Variants in PROSER2 observed in about 807,000 individuals in gnomAD.
PROSER2 encodes the protein proline and serine-rich protein 2.
PROSER2 carries 18 observed loss-of-function variants against 14.6 expected under a neutral mutation model. The observed-to-expected ratio is 1.23, with a 90% CI of 0.85 to 1.83. The LOEUF (loss-of-function observed/expected upper bound fraction) is 1.83. PROSER2 is among the 40% of genes most tolerant of loss of function. The probability of loss-of-function intolerance (pLI) is 0.00; values close to 1 mark genes in which losing one functional copy is unlikely to be tolerated. For synonymous variants in PROSER2, 367 were observed against 286.4 expected, an observed-to-expected ratio of 1.28 and a Z score of -2.84; for missense variants, 823 against 629.8, an observed-to-expected ratio of 1.31 and a Z score of -3.28.
rs924104171 is a variant in PROSER2, at chr10:11,871,756, A to G, written c.*1350A>G. ...TGAGCAGTGACACCTTTGTGTTTTT[A>G]TGTCTCCGCCAGCGCCGTAACAGAG... On this transcript the variant is annotated 3_prime_UTR_variant, in exon 4 of 4. Transcript: ENST00000277570. The G allele has an allele frequency of 6.6e-6, 1 of 152,156 alleles. No homozygotes were observed. The highest frequency in any genetic ancestry group is 1.5e-5 in the Non-Finnish European group (1 of 67,966). 9.4% of individuals were successfully genotyped at this position (152,156 alleles called of 1,614,324 possible).
intron 2 of PROSER2, among the ~76,000 whole-genome samples, chr10:11,863,756 T>G (rs146069470): frequency 6.6e-6 from 1 of 152,322 alleles, no homozygotes; most frequent in African/African-American, 2.4e-5. Flanking sequence ...GTGTCTGTAT[T>G]AAGTATGCAC....
intron 1 of PROSER2, among the ~76,000 whole-genome samples, chr10:11,824,566 A>G (rs778820742): frequency 3.9e-5 from 6 of 152,214 alleles, no homozygotes; most frequent in Admixed American, 3.9e-4. Context: ...CATGAAGCCA[A>G]TGTGGAAATA....
intron 3 of PROSER2, among the ~76,000 whole-genome samples, chr10:11,868,791 T>C (rs1463751035): frequency 6.6e-6 from 1 of 152,070 alleles, no homozygotes; most frequent in Non-Finnish European, 1.5e-5. Flanking sequence ...GCTGGGACTA[T>C]AGGCACACGC....
chr10:11,858,276 A>C (rs1282198067), intron 2 of PROSER2, among the ~76,000 whole-genome samples: 1 of 152,148 alleles, frequency 6.6e-6, no homozygotes, highest in East Asian at 1.9e-4. Context: ...CACGTATTTT[A>C]AGCCTTCTCA....
intron 1 of PROSER2, among the ~76,000 whole-genome samples, chr10:11,844,672 A>G (rs184490150): frequency 1.2e-3 from 183 of 152,332 alleles, no homozygotes; most frequent in African/African-American, 4.1e-3. Flanking sequence ...CCCAGGCTGC[A>G]GTGCAGTGGC....
chr10:11,870,445 C>G lies in PROSER2; in HGVS notation c.*39C>G, dbSNP rs745789964. ...TCCAGTCCACCCCGTTTCTCCCCAC[C>G]CTGAAGAGAGGGTGAAAGAGTCGCT... On this transcript the variant is annotated 3_prime_UTR_variant, in exon 4 of 4. Coordinates refer to ENST00000277570, the MANE Select transcript of PROSER2 (RefSeq NM_153256.4). 2 of 1,404,964 alleles carry G rather than the reference C, an allele frequency of 1.4e-6. No individual in the cohort carries two copies. Among genetic ancestry groups the G allele is most frequent in the South Asian group, 1.5e-5 (1 of 65,252 alleles). 87.0% of individuals were successfully genotyped at this position (1,404,964 alleles called of 1,614,324 possible).
At chr10:11,855,994 C>G (rs539917018) in intron 2 of PROSER2, among the ~76,000 whole-genome samples, 2 of 152,108 alleles carry the variant, frequency 1.3e-5, no homozygotes, top group Non-Finnish European at 2.9e-5. Context: ...ATAGGTAGAA[C>G]TAGAATGAGT....
chr10:11,841,154 C>G (rs1284512906), intron 1 of PROSER2, among the ~76,000 whole-genome samples: 4 of 150,986 alleles, frequency 2.6e-5, no homozygotes, highest in Non-Finnish European at 4.4e-5. Context: ...GGTTATAAGA[C>G]TTCAGATTTT....
chr10:11,831,797 G>C (rs1326400267), intron 1 of PROSER2: 1 of 152,062 alleles, frequency 6.6e-6, no homozygotes, highest in Non-Finnish European at 1.5e-5. Context: ...CTTCCCTCGA[G>C]GCCTGTTAAA....
Position 11,870,820 on chromosome 10 carries a change from T to C in PROSER2, c.*414T>C, listed in dbSNP as rs190443890. 2.5e-3 allele frequency: 446 copies of C among 177,276 alleles called. 3 individuals carry two copies. The highest frequency in any genetic ancestry group is 9.9e-3 in the African/African-American group (416 of 41,972). 11.0% of individuals were successfully genotyped at this position (177,276 alleles called of 1,614,324 possible). On this transcript the variant is annotated 3_prime_UTR_variant, in exon 4 of 4. Transcript: ENST00000277570. ...ACATGAAAGTTCAGATCCCTTCCAC[T>C]CAGGATTCTCGCCGCCTTTTCTAAG...
rs1564314095 is a variant in PROSER2 at position 11,865,779 on chromosome 10, T to C, written c.139-752T>C. 6.6e-6 allele frequency among the ~76,000 whole-genome samples: 1 copy of C among 152,198 alleles called. No homozygotes were observed. The highest frequency in any genetic ancestry group is 2.4e-5 in the African/African-American group (1 of 41,454). On this transcript the variant is annotated intron_variant, in intron 2 of 3. Coordinates refer to ENST00000277570, the MANE Select transcript of PROSER2 (RefSeq NM_153256.4). This position sits in a 1 kb window ranked among gnomAD's most constrained non-coding sequence, Gnocchi z 4.2. ...ACTTCAGGGTTCCTCTGTCACCTTT[T>C]TCGAGAGTAACTGGCGAGTTTTGTG...
At chr10:11,843,466 T>C (rs1004975820) in intron 1 of PROSER2, among the ~76,000 whole-genome samples, 2 of 150,842 alleles carry the variant, frequency 1.3e-5, no homozygotes, top group Non-Finnish European at 3.0e-5. Context: ...GGCGGGCAGA[T>C]CATGAGGTCA....
chr10:11,832,026 AT>A (rs1833695912), intron 1 of PROSER2, among the ~76,000 whole-genome samples: 1 of 152,254 alleles, frequency 6.6e-6, no homozygotes, highest in African/African-American at 2.4e-5. Flanking sequence ...AATTAAAAAA[AT>A]AAGTGAAAGC....
At chr10:11,853,338 G>C (rs887845760) in intron 2 of PROSER2, among the ~76,000 whole-genome samples, 1 of 152,060 alleles carries the variant, frequency 6.6e-6, no homozygotes, top group Non-Finnish European at 1.5e-5. Context: ...CTGTAATCCC[G>C]GCACTTTGGG....
chr10:11,869,846 G>C lies in PROSER2; in HGVS notation c.748G>C (p.Ala250Pro). ...PGPSHPAQPK[A>P]PRFPSNIIVT... ...GCCCAGCCACCCGGCGCAGCCCAAG[G>C]CACCCCGCTTCCCCAGCAACATCAT... Residue 250 changes from alanine to proline, a missense_variant, in exon 4 of 4, where the codon GCA (alanine) becomes CCA (proline). By Grantham distance (27) the Ala-to-Pro change is conservative. Transcript: ENST00000277570. The surrounding 1 kb of genome is among the most constrained non-coding windows in gnomAD (Gnocchi z 4.4). The C allele has an allele frequency of 6.3e-7, 1 of 1,586,720 alleles. No individual in the cohort carries two copies. The highest frequency in any genetic ancestry group is 1.1e-5 in the South Asian group (1 of 87,004).
rs973500478 is a variant in PROSER2 at position 11,870,474 on chromosome 10, C to A, written c.*68C>A. The A allele has an allele frequency of 7.8e-7, 1 of 1,275,642 alleles. No individual in the cohort carries two copies. The highest frequency in any genetic ancestry group is 1.0e-6 in the Non-Finnish European group (1 of 968,922). The allele number at this position is 1,275,642 out of a possible 1,614,324, so 79.0% of individuals were successfully genotyped here. On this transcript the variant is annotated 3_prime_UTR_variant, in exon 4 of 4. Transcript: ENST00000277570. Reference sequence around the variant, plus strand: ...AAGAGAGGGTGAAAGAGTCGCTGCACCCAGGAGCTGTTTGGTCTAAAATGG... The same window carrying A: ...AAGAGAGGGTGAAAGAGTCGCTGCAACCAGGAGCTGTTTGGTCTAAAATGG...
rs1833794472 is a variant in PROSER2 at position 11,838,578 on chromosome 10, G to C, written c.-81-13419G>C. On this transcript the variant is annotated intron_variant, in intron 1 of 3. Coordinates refer to ENST00000277570, the MANE Select transcript of PROSER2 (RefSeq NM_153256.4). The surrounding 1 kb of genome is among the most constrained non-coding windows in gnomAD (Gnocchi z 4.4). ...CGTAGGACACGCTTAGTTTCTCTAA[G>C]TATTGCCCAGTTGCCCTACAGAAAG... 6.6e-6 allele frequency among the ~76,000 whole-genome samples: 1 copy of C among 152,238 alleles called. No homozygotes were observed. Among genetic ancestry groups the C allele is most frequent in the Non-Finnish European group, 1.5e-5 (1 of 68,040 alleles).
intron 1 of PROSER2, among the ~76,000 whole-genome samples, chr10:11,825,405 C>T (rs1011111509): frequency 6.6e-6 from 1 of 152,200 alleles, no homozygotes; most frequent in African/African-American, 2.4e-5. Context: ...GTTTCACTTT[C>T]CTTTGCACTT....
intron 1 of PROSER2, among the ~76,000 whole-genome samples, chr10:11,832,019 T>TA (rs956930781): frequency 1.5e-3 from 234 of 152,244 alleles, no homozygotes; most frequent in African/African-American, 5.4e-3. Flanking sequence ...AATTTAAAAT[T>TA]AAAAAAATAA....
Sources: gnomAD v4.1 joint callset for allele counts (sites outside exome capture counted in the v4.1 genomes callset) on GRCh38, gnomAD v4.1.1 for gene constraint, Gnocchi (gnomAD v3.1) non-coding constraint, MANE v1.5 for transcripts, NCBI Gene and HGNC (gene_info 2026-07-23, HGNC 2026-07-21) for gene names.